The following BMPR1B variants were observed in gnomAD, a reference collection of about 807,000 sequenced individuals.
The protein encoded by BMPR1B is bone morphogenetic protein receptor type 1B.
A neutral mutation model predicts 59.1 loss-of-function variants in BMPR1B; 12 were observed. That is an observed-to-expected ratio of 0.20 (90% confidence interval 0.13 to 0.33). BMPR1B has a LOEUF of 0.33. Ranked by LOEUF, BMPR1B falls within the 10% of genes least tolerant of loss-of-function variation. BMPR1B has a pLI of 1.00. For synonymous variants in BMPR1B, 237 were observed against 207.3 expected (o/e 1.14, Z -1.23); for missense variants, 550 against 610.9 (o/e 0.90, Z 1.05).
chr4:95,076,970 T>G (rs1210759231), intron 3 of BMPR1B, among the ~76,000 whole-genome samples: 5 of 152,150 alleles, frequency 3.3e-5, no homozygotes, highest in African/African-American at 1.2e-4. Flanking sequence ...TTAGAGATTT[T>G]TATTTGCTTT....
intron 10 of BMPR1B, among the ~76,000 whole-genome samples, chr4:95,147,023 G>T (rs1734699748): frequency 1.3e-5 from 2 of 152,112 alleles, no homozygotes; most frequent in South Asian, 2.1e-4. Context: ...CCAGAACACT[G>T]GGACCTATGT....
At chr4:95,069,968 A>G (rs1224997471) in intron 3 of BMPR1B, among the ~76,000 whole-genome samples, 1 of 152,112 alleles carries the variant, frequency 6.6e-6, no homozygotes, top group Non-Finnish European at 1.5e-5. Context: ...GCATGGTGGC[A>G]CATGCCTGTA....
chr4:95,104,821 G>T (rs1320391028), intron 4 of BMPR1B, among the ~76,000 whole-genome samples: 3 of 152,014 alleles, frequency 2.0e-5, no homozygotes, highest in East Asian at 1.9e-4. Context: ...CCAGGCTCCT[G>T]GTAAAGGTGC....
chr4:94,779,869 T>C (rs1226539666), intron 1 of BMPR1B, among the ~76,000 whole-genome samples: 1 of 152,134 alleles, frequency 6.6e-6, no homozygotes, highest in Non-Finnish European at 1.5e-5. Flanking sequence ...TTCTCTTATA[T>C]TCCTAATATA....
At chr4:94,955,209 A>G (rs73836062) in intron 2 of BMPR1B, among the ~76,000 whole-genome samples, 170 of 152,336 alleles carry the variant, frequency 1.1e-3, no homozygotes, top group African/African-American at 3.8e-3. Context: ...ATTTCTGTCA[A>G]CTGCTCTGAA....
chr4:95,123,744 A>G (rs1732698964), intron 6 of BMPR1B, 66 bp from the exon 7 acceptor site: 3 of 1,228,010 alleles, frequency 2.4e-6, no homozygotes, highest in African/African-American at 3.0e-5. Context: ...TTTAGGAAAG[A>G]GTTACTTTCT....
intron 2 of BMPR1B, among the ~76,000 whole-genome samples, chr4:94,954,700 G>A (rs1453046746): frequency 6.6e-6 from 1 of 152,092 alleles, no homozygotes; most frequent in Non-Finnish European, 1.5e-5. Context: ...TATTTTCTGT[G>A]TCTCCCTTTT....
chr4:94,867,804 G>A (rs1726304973), intron 1 of BMPR1B, among the ~76,000 whole-genome samples: 2 of 152,094 alleles, frequency 1.3e-5, no homozygotes, highest in Non-Finnish European at 2.9e-5. Context: ...TTATTCTTGT[G>A]TAATTACTGC....
intron 3 of BMPR1B, among the ~76,000 whole-genome samples, chr4:95,094,292 C>T (rs2149252564): frequency 6.6e-6 from 1 of 151,960 alleles, no homozygotes; most frequent in African/African-American, 2.4e-5. Flanking sequence ...GTTTCTTAAG[C>T]TGAAAACCTT....
intron 1 of BMPR1B, among the ~76,000 whole-genome samples, chr4:94,778,828 T>C (rs1042294995): frequency 2.6e-5 from 4 of 152,202 alleles, no homozygotes; most frequent in Non-Finnish European, 5.9e-5. Flanking sequence ...CTGCCAACTT[T>C]GTGAAGTGCC....
intron 2 of BMPR1B, among the ~76,000 whole-genome samples, chr4:94,963,607 C>T (rs1313020734): frequency 6.6e-6 from 1 of 152,026 alleles, no homozygotes; most frequent in South Asian, 2.1e-4. Flanking sequence ...CTGTCCTTTC[C>T]CCATTGTATA....
intron 3 of BMPR1B, among the ~76,000 whole-genome samples, chr4:95,058,388 T>C (rs747255650): frequency 1.8e-4 from 28 of 152,198 alleles, no homozygotes; most frequent in Admixed American, 5.9e-4. Flanking sequence ...CAGTGTTCAG[T>C]GTTGCATAAT....
chr4:94,773,663 G>A (rs994203226), intron 1 of BMPR1B, among the ~76,000 whole-genome samples: 2 of 152,016 alleles, frequency 1.3e-5, no homozygotes, highest in African/African-American at 4.8e-5. Flanking sequence ...AGATTATAAT[G>A]GCTAATTTTA....
rs549434534 is a variant in BMPR1B at position 94,912,688 on chromosome 4, C to A, written c.-113+36788C>A. Among the ~76,000 whole-genome samples, 3 of 152,190 alleles carry A rather than the reference C, an allele frequency of 2.0e-5. No individual in the cohort carries two copies. In the South Asian group the frequency reaches 6.2e-4, roughly 32 times the overall value. ...CAGCCAGCTGCCTCTGTAGCCAAGG[C>A]TTTTTAGACTCTCCAGAGGGAGTGA... is the stretch of plus-strand genomic sequence containing the variant. On this transcript the variant is annotated intron_variant, in intron 2 of 12. Transcript: ENST00000515059.
intron 3 of BMPR1B, among the ~76,000 whole-genome samples, chr4:95,037,262 G>A (rs1375500645): frequency 1.3e-5 from 2 of 152,120 alleles, no homozygotes; most frequent in East Asian, 3.8e-4. Context: ...ATGGAGCTGG[G>A]GGAGGTATTT....
intron 1 of BMPR1B, among the ~76,000 whole-genome samples, chr4:94,816,370 G>A (rs957089802): frequency 6.6e-6 from 1 of 152,016 alleles, no homozygotes; most frequent in Non-Finnish European, 1.5e-5. Flanking sequence ...GTTTCACTAT[G>A]TTGGCCAGGC....
chr4:95,026,791 T>A (rs1021681147), intron 3 of BMPR1B, among the ~76,000 whole-genome samples: 6 of 148,050 alleles, frequency 4.1e-5, no homozygotes, highest in Admixed American at 1.4e-4. Flanking sequence ...AGAGGTAGTG[T>A]CTCACTCTTA....
intron 5 of BMPR1B, 65 bp from the exon 6 acceptor site, chr4:95,115,619 GT>G: frequency 7.3e-7 from 1 of 1,366,510 alleles, no homozygotes; most frequent in South Asian, 1.2e-5. Flanking sequence ...TATTTTTAAA[GT>G]TTTAGATGAT....
intron 3 of BMPR1B, among the ~76,000 whole-genome samples, chr4:95,055,680 C>T (rs536086695): frequency 6.6e-6 from 1 of 152,246 alleles, no homozygotes; most frequent in Non-Finnish European, 1.5e-5. Context: ...AAGTTCTGCT[C>T]ATTAGATTGG....
Sources: allele counts gnomAD v4.1 joint callset (sites outside exome capture counted in the v4.1 genomes callset), GRCh38; gene constraint gnomAD v4.1.1; transcripts MANE v1.5; gene names NCBI Gene and HGNC (gene_info 2026-07-23, HGNC 2026-07-21).